TTC29: variants seen among roughly 807,000 people sequenced by gnomAD.
The protein encoded by TTC29 is tetratricopeptide repeat protein 29.
A neutral mutation model predicts 58.1 loss-of-function variants in TTC29; 49 were observed. That is an observed-to-expected ratio of 0.84 (90% confidence interval 0.67 to 1.07). TTC29 has a LOEUF of 1.07. TTC29 is among the 50% of genes least tolerant of loss of function. The probability of loss-of-function intolerance (pLI) is 0.00; values close to 1 mark genes in which losing one functional copy is unlikely to be tolerated. For synonymous variants in TTC29, 209 were observed against 196.8 expected (o/e 1.06, Z -0.52); for missense variants, 582 against 555.6 (o/e 1.05, Z -0.48).
chr4:146,767,351 C>T (rs564606516), intron 11 of TTC29, among the ~76,000 whole-genome samples: 135 of 152,012 alleles, frequency 8.9e-4, no homozygotes, highest in Middle Eastern at 6.8e-3. Flanking sequence ...CTCTGGGTCT[C>T]TCACTGTTCT....
At chr4:146,849,691 T>C (rs1057171206) in intron 8 of TTC29, among the ~76,000 whole-genome samples, 1 of 152,064 alleles carries the variant, frequency 6.6e-6, no homozygotes, top group Non-Finnish European at 1.5e-5. Context: ...AAAGTCATGC[T>C]TGAAAATGAC....
rs546257716 is a variant in TTC29 at position 146,938,636 on chromosome 4, G to A, written c.93-959C>T. 7.2e-5 allele frequency among the ~76,000 whole-genome samples: 11 copies of A among 152,022 alleles called. No individual in the cohort carries two copies. The South Asian group carries it at 1.2e-3, about 17-fold the overall frequency. The stretch of plus-strand genomic sequence containing the variant: ...TATGCATTCATTGAAAGATTTCTCC[G>A]CTATAGGAAAAGAAAATTTTGATTT... On this transcript the variant is annotated intron_variant, in intron 3 of 12. Coordinates refer to ENST00000325106, the MANE Select transcript of TTC29 (RefSeq NM_031956.4).
chr4:146,713,189 C>T (rs961271084), intron 11 of TTC29, among the ~76,000 whole-genome samples: 3 of 150,752 alleles, frequency 2.0e-5, no homozygotes, highest in East Asian at 2.0e-4. Flanking sequence ...CCATAAAATG[C>T]AAATGTTTTC....
At chr4:146,734,012 C>G (rs1744536062) in intron 11 of TTC29, among the ~76,000 whole-genome samples, 1 of 152,062 alleles carries the variant, frequency 6.6e-6, no homozygotes. Context: ...TAAATGGAAA[C>G]ATTGGATAAC....
chr4:146,893,772 G>T (rs182892639), intron 6 of TTC29, among the ~76,000 whole-genome samples: 1 of 152,138 alleles, frequency 6.6e-6, no homozygotes, highest in Non-Finnish European at 1.5e-5. Context: ...GGAAATTTTT[G>T]CAATCTACTC....
At chr4:146,848,409 T>C (rs966734547) in intron 8 of TTC29, among the ~76,000 whole-genome samples, 1 of 152,208 alleles carries the variant, frequency 6.6e-6, no homozygotes, top group African/African-American at 2.4e-5. Flanking sequence ...GTAGTTATTA[T>C]TGCTATAGGT....
At chr4:146,925,650 A>G (rs900103903) in intron 4 of TTC29, among the ~76,000 whole-genome samples, 2 of 152,160 alleles carry the variant, frequency 1.3e-5, no homozygotes, top group Non-Finnish European at 2.9e-5. Flanking sequence ...CTAACTTTTG[A>G]GAAAACAATT....
intron 11 of TTC29, among the ~76,000 whole-genome samples, chr4:146,742,279 G>A (rs1273661013): frequency 3.9e-5 from 6 of 152,096 alleles, no homozygotes; most frequent in Non-Finnish European, 7.4e-5. Context: ...TGCACACTTC[G>A]TGACACTAGA....
chr4:146,790,853 A>G (rs1339064251), intron 11 of TTC29, among the ~76,000 whole-genome samples: 3 of 152,220 alleles, frequency 2.0e-5, no homozygotes, highest in Non-Finnish European at 4.4e-5. Context: ...AGTTCTCATG[A>G]CAAGAAATTC....
intron 5 of TTC29, among the ~76,000 whole-genome samples, chr4:146,906,048 T>C (rs1254691753): frequency 6.6e-6 from 1 of 152,174 alleles, no homozygotes; most frequent in Non-Finnish European, 1.5e-5. Flanking sequence ...GAATTATCTA[T>C]TGATTCTCTT....
At chr4:146,941,977 C>A (rs1366822400) in intron 2 of TTC29, among the ~76,000 whole-genome samples, 1 of 152,134 alleles carries the variant, frequency 6.6e-6, no homozygotes, top group Non-Finnish European at 1.5e-5. Flanking sequence ...TCTAGTGCTA[C>A]AAAGCCATGG....
intron 11 of TTC29, among the ~76,000 whole-genome samples, chr4:146,743,425 C>T (rs1053701603): frequency 6.6e-6 from 1 of 152,148 alleles, no homozygotes; most frequent in Non-Finnish European, 1.5e-5. Flanking sequence ...CCAAAATTAG[C>T]AATGTCAGGT....
At chr4:146,944,317 T>C (rs1201348029) in intron 2 of TTC29, 5 of 152,212 alleles carry the variant, frequency 3.3e-5, no homozygotes, top group Non-Finnish European at 5.9e-5. Context: ...TTGGCTCTTG[T>C]ATCACAGCTA....
At chr4:146,807,999 G>A (rs776002441) in intron 10 of TTC29, among the ~76,000 whole-genome samples, 4 of 151,842 alleles carry the variant, frequency 2.6e-5, no homozygotes, top group Non-Finnish European at 4.4e-5. Context: ...AATAAAATAC[G>A]GGCAAACCAA....
At chr4:146,827,998 A>AT (rs1727919871) in intron 9 of TTC29, among the ~76,000 whole-genome samples, 1 of 152,182 alleles carries the variant, frequency 6.6e-6, no homozygotes, top group African/African-American at 2.4e-5. Context: ...ATCAGGTACT[A>AT]TCAAATACAT....
intron 11 of TTC29, among the ~76,000 whole-genome samples, chr4:146,799,601 T>C (rs1035723993): frequency 3.3e-5 from 5 of 152,210 alleles, no homozygotes; most frequent in African/African-American, 1.2e-4. Flanking sequence ...CATGCCATTT[T>C]GTAGAAAACA....
chr4:146,935,721 T>A (rs1735757098), intron 4 of TTC29, among the ~76,000 whole-genome samples: 2 of 152,226 alleles, frequency 1.3e-5, no homozygotes, highest in African/African-American at 4.8e-5. Context: ...CCAAGTATTT[T>A]ACAATAAAAT....
At chr4:146,746,851 T>C (rs1264384664) in intron 11 of TTC29, among the ~76,000 whole-genome samples, 1 of 152,104 alleles carries the variant, frequency 6.6e-6, no homozygotes, top group East Asian at 1.9e-4. Flanking sequence ...GTAGTGCTCT[T>C]CCCTCCCTCC....
intron 11 of TTC29, among the ~76,000 whole-genome samples, chr4:146,775,938 T>A (rs1321092567): frequency 2.0e-5 from 3 of 152,236 alleles, no homozygotes; most frequent in African/African-American, 7.2e-5. Flanking sequence ...TCTCAAATGG[T>A]CTCTTTCCAT....
Sources: gnomAD v4.1 joint callset for allele counts (sites outside exome capture counted in the v4.1 genomes callset) on GRCh38, gnomAD v4.1.1 for gene constraint, MANE v1.5 for transcripts, NCBI Gene and HGNC (gene_info 2026-07-23, HGNC 2026-07-21) for gene names.